PRRC2C: variants seen among roughly 807,000 people sequenced by gnomAD.
PRRC2C encodes the protein protein PRRC2C.
Under a neutral mutation model 317.2 loss-of-function variants are expected in PRRC2C, and 72 were observed. That is an observed-to-expected ratio of 0.23 (90% confidence interval 0.19 to 0.28). PRRC2C has a LOEUF of 0.28. PRRC2C is among the 10% of genes least tolerant of loss of function. The pLI, the probability that PRRC2C is intolerant of heterozygous loss-of-function variation, is 1.00. For missense variants in PRRC2C, 3,074 were observed against 3,459.7 expected, an observed-to-expected ratio of 0.89 and a Z score of 2.80; for synonymous variants, 1,296 against 1,205.9, an observed-to-expected ratio of 1.07 and a Z score of -1.55.
intron 18 of PRRC2C, among the ~76,000 whole-genome samples, chr1:171,553,153 T>C (rs1680636444): frequency 6.6e-6 from 1 of 152,246 alleles, no homozygotes; most frequent in Non-Finnish European, 1.5e-5. Flanking sequence ...GTTACTGGTC[T>C]ATTCAGGGAT....
chr1:171,590,800 C>T (rs946907387), intron 34 of PRRC2C, among the ~76,000 whole-genome samples: 9 of 152,126 alleles, frequency 5.9e-5, no homozygotes, highest in Non-Finnish European at 1.2e-4. Context: ...ACTCCTGGCT[C>T]CTTGGCTCTT....
At chr1:171,553,329 G>C (rs575359959) in intron 18 of PRRC2C, among the ~76,000 whole-genome samples, 111 of 151,882 alleles carry the variant, frequency 7.3e-4, no homozygotes, top group African/African-American at 2.5e-3. Flanking sequence ...AATTTTTATT[G>C]CGTCTATTTG....
At chr1:171,486,774 T>C (rs557393432) in intron 1 of PRRC2C, among the ~76,000 whole-genome samples, 1 of 152,300 alleles carries the variant, frequency 6.6e-6, no homozygotes, top group East Asian at 1.9e-4. Flanking sequence ...TGTTGAGTAC[T>C]TAATAGCTTA....
chr1:171,575,236 C>T, intron 25 of PRRC2C, 108 bp downstream of exon 25: 1 of 1,102,254 alleles, frequency 9.1e-7, no homozygotes, highest in Non-Finnish European at 1.3e-6. Flanking sequence ...AATATTCAAT[C>T]TTCCCACCTC....
chr1:171,507,516 C>T (rs922788523), intron 1 of PRRC2C, among the ~76,000 whole-genome samples: 1 of 152,048 alleles, frequency 6.6e-6, no homozygotes, highest in Non-Finnish European at 1.5e-5. Context: ...GAGGCAGAAG[C>T]AGGAGGATCA....
At chr1:171,539,244 G>A (rs540188576) in intron 15 of PRRC2C, among the ~76,000 whole-genome samples, 4 of 151,680 alleles carry the variant, frequency 2.6e-5, no homozygotes, top group Admixed American at 6.6e-5. Flanking sequence ...CAGGTGATCC[G>A]CCCTCCTCGG....
intron 1 of PRRC2C, chr1:171,511,643 G>A (rs1293278774): frequency 6.5e-6 from 1 of 153,540 alleles, no homozygotes; most frequent in Non-Finnish European, 1.5e-5. Context: ...AATATGTAGG[G>A]GAATGAAGAT....
At chr1:171,510,098 G>A (rs947248424) in intron 1 of PRRC2C, 2 of 152,090 alleles carry the variant, frequency 1.3e-5, no homozygotes, top group African/African-American at 2.4e-5. Flanking sequence ...GTGATCGCCT[G>A]CCTCAGTCTC....
intron 26 of PRRC2C, among the ~76,000 whole-genome samples, chr1:171,578,605 C>T (rs576994059): frequency 2.4e-4 from 37 of 152,036 alleles, no homozygotes; most frequent in Middle Eastern, 6.8e-3. Flanking sequence ...CCGTGGCTCA[C>T]GCCTGTAATC....
intron 1 of PRRC2C, among the ~76,000 whole-genome samples, chr1:171,493,088 G>GAGAAGGAAGGAAAGAA (rs1553200651): frequency 6.6e-6 from 1 of 151,526 alleles, no homozygotes; most frequent in South Asian, 2.1e-4. Flanking sequence ...AATAAAAGAA[G>GAGAAGGAAGGAAAGAA]AGAAGGAAGG....
chr1:171,584,789 G>A (rs930579824), intron 30 of PRRC2C, among the ~76,000 whole-genome samples: 1 of 151,946 alleles, frequency 6.6e-6, no homozygotes, highest in African/African-American at 2.4e-5. Context: ...GGTTTAGGGG[G>A]TTTTGTTTTG....
chr1:171,524,280 A>G (rs763780543), intron 9 of PRRC2C, among the ~76,000 whole-genome samples: 80 of 152,208 alleles, frequency 5.3e-4, no homozygotes, highest in Middle Eastern at 3.4e-3. Flanking sequence ...GGAATATTGG[A>G]GCACCAGTCA....
At chr1:171,489,277 G>A (rs1036525885) in intron 1 of PRRC2C, among the ~76,000 whole-genome samples, 1 of 152,116 alleles carries the variant, frequency 6.6e-6, no homozygotes, top group African/African-American at 2.4e-5. Context: ...TAAATAATAT[G>A]CATTGTGAGA....
intron 4 of PRRC2C, 119 bp downstream of exon 4, chr1:171,514,764 C>CA (rs1415662221): frequency 1.4e-5 from 12 of 857,528 alleles, no homozygotes; most frequent in Non-Finnish European, 1.9e-5. Flanking sequence ...AGGATATACT[C>CA]AAGGCTCTTA....
In PRRC2C at chr1:171,545,709, TTTTATTTATTTATTTA is replaced by T. The variant is rs57131009; in HGVS notation, c.4972+46_4972+61del. ...GCAAGTATGTCTTAGGTTTCTTTCATTTTATTTATTTATTTATTTATTTATTTATTTATTTATTTGC... is the reference window on the plus strand; with the variant it reads ...GCAAGTATGTCTTAGGTTTCTTTCATTTTATTTATTTATTTATTTATTTGC... On this transcript the variant is annotated intron_variant, in intron 17 of 34. Coordinates refer to ENST00000647382, the MANE Select transcript of PRRC2C (RefSeq NM_001387844.1). 42 of 804,986 alleles carry T rather than the reference TTTTATTTATTTATTTA, an allele frequency of 5.2e-5. 3 individuals carry two copies. The highest frequency in any genetic ancestry group is 3.6e-4 in the East Asian group (11 of 30,224). The allele number at this position is 804,986 out of a possible 1,614,324, so 49.9% of individuals were successfully genotyped here. A position where few individuals can be genotyped will look rare whatever the true frequency, so the allele number is the denominator to read the frequency against.
At position 171,514,585 on chromosome 1, in the gene PRRC2C, C is replaced by G; in HGVS notation, c.340C>G (p.Pro114Ala). Residue 114 changes from proline (P) to alanine (A), a missense_variant, in exon 4 of 35, where the codon CCA (proline) becomes GCA (alanine). By Grantham distance (27) the Pro-to-Ala change is conservative (BLOSUM62 -1). Coordinates refer to ENST00000647382, the MANE Select transcript of PRRC2C (RefSeq NM_001387844.1). Reference protein sequence around the residue: ...AQPKPGVAAPPEVAPAPKSWA... With the variant: ...AQPKPGVAAPAEVAPAPKSWA... The stretch of plus-strand genomic sequence containing the variant: ...GCCAAAACCTGGGGTTGCAGCTCCC[C>G]CAGAAGTAGCACCTGCTCCCAAATC... The G allele has an allele frequency of 6.4e-7, 1 of 1,561,354 alleles. No homozygotes were observed. The highest frequency in any genetic ancestry group is 8.7e-7 in the Non-Finnish European group (1 of 1,152,868).
At chr1:171,563,492 A>G (rs1397941189) in intron 20 of PRRC2C, among the ~76,000 whole-genome samples, 3 of 152,188 alleles carry the variant, frequency 2.0e-5, no homozygotes, top group African/African-American at 4.8e-5. Context: ...GGAACCTGCA[A>G]ATAAGGAGAG....
intron 1 of PRRC2C, among the ~76,000 whole-genome samples, chr1:171,500,632 G>A (rs1207128716): frequency 6.6e-6 from 1 of 152,148 alleles, no homozygotes; most frequent in Admixed American, 6.5e-5. Flanking sequence ...TTTCAATCTA[G>A]GATAGCTATC....
At chr1:171,506,773 G>A (rs949054901) in intron 1 of PRRC2C, among the ~76,000 whole-genome samples, 1 of 150,254 alleles carries the variant, frequency 6.7e-6, no homozygotes, top group Non-Finnish European at 1.5e-5. Flanking sequence ...CTGCAGTATT[G>A]TTTCCTTTGG....
Sources: allele counts gnomAD v4.1 joint callset (sites outside exome capture counted in the v4.1 genomes callset), GRCh38; gene constraint gnomAD v4.1.1; transcripts MANE v1.5; gene names NCBI Gene and HGNC (gene_info 2026-07-23, HGNC 2026-07-21).